The following FAM193A variants were observed in gnomAD, a reference collection of about 807,000 sequenced individuals.
The protein encoded by FAM193A is protein FAM193A.
In FAM193A, 22 loss-of-function variants were observed where a neutral mutation model predicts 126.5. The observed-to-expected ratio is 0.17, with a 90% CI of 0.12 to 0.25. The LOEUF (loss-of-function observed/expected upper bound fraction) is 0.25. Ranked by LOEUF, FAM193A falls within the 10% of genes least tolerant of loss-of-function variation. The pLI is 1.00. For missense variants in FAM193A, 1,675 were observed against 1,672.8 expected, an observed-to-expected ratio of 1.00 and a Z score of -0.02; for synonymous variants, 761 against 646.8, an observed-to-expected ratio of 1.18 and a Z score of -2.68.
chr4:2,559,404 TAAAG>T (rs993326988), intron 1 of FAM193A, among the ~76,000 whole-genome samples: 6 of 152,338 alleles, frequency 3.9e-5, no homozygotes, highest in African/African-American at 1.4e-4. Context: ...CCAACTGAGA[TAAAG>T]AAACCACCTT....
chr4:2,572,759 G>T (rs1473751889), intron 1 of FAM193A, among the ~76,000 whole-genome samples: 1 of 151,026 alleles, frequency 6.6e-6, no homozygotes, highest in Non-Finnish European at 1.5e-5. Context: ...CAGTTGAAGG[G>T]CTTTGAGCAG....
intron 19 of FAM193A, among the ~76,000 whole-genome samples, chr4:2,704,135 C>T (rs896201288): frequency 1.3e-5 from 2 of 151,980 alleles, no homozygotes; most frequent in Non-Finnish European, 1.5e-5. Context: ...TGGTGGCACA[C>T]GCCTATAATC....
chr4:2,557,084 A>G (rs1400503363), intron 1 of FAM193A, among the ~76,000 whole-genome samples: 1 of 152,236 alleles, frequency 6.6e-6, no homozygotes, highest in Admixed American at 6.5e-5. Flanking sequence ...TTTCCTATAT[A>G]TAGTACCTTT....
chr4:2,717,779 G>C (rs1034349547), intron 20 of FAM193A, among the ~76,000 whole-genome samples: 1 of 149,368 alleles, frequency 6.7e-6, no homozygotes, highest in Non-Finnish European at 1.5e-5. Context: ...AAAATTCCCC[G>C]AGTAGCTGGG....
intron 1 of FAM193A, among the ~76,000 whole-genome samples, chr4:2,571,455 G>T (rs2108859358): frequency 6.6e-6 from 1 of 152,238 alleles, no homozygotes; most frequent in East Asian, 1.9e-4. Context: ...GAAGTGAATG[G>T]CTTCTGAGGT....
intron 6 of FAM193A, among the ~76,000 whole-genome samples, chr4:2,640,507 C>T (rs1019377024): frequency 2.6e-5 from 4 of 152,292 alleles, no homozygotes; most frequent in Admixed American, 6.5e-5. Flanking sequence ...CCTGATGTGA[C>T]GTTACTCAGC....
intron 2 of FAM193A, among the ~76,000 whole-genome samples, chr4:2,623,132 C>T (rs1742654320): frequency 1.3e-5 from 2 of 152,002 alleles, no homozygotes; most frequent in African/African-American, 4.8e-5. Context: ...GACACAAGCT[C>T]TTACCCTCCT....
Position 2,696,079 on chromosome 4 carries a change from T to C in FAM193A, c.3277-284T>C, listed in dbSNP as rs1717002349. Among the ~76,000 whole-genome samples, 3 of 152,098 alleles carry C rather than the reference T, an allele frequency of 2.0e-5. No homozygotes were observed. The South Asian group carries it at 6.2e-4, about 32-fold the overall frequency. On this transcript the variant is annotated intron_variant, in intron 17 of 20. Transcript: ENST00000637812. ...AAAATACATTAATCAGGATTTGTAATTGTTTCCTTTTCAGTTTAAAAAATC... is the reference window on the plus strand; with the variant it reads ...AAAATACATTAATCAGGATTTGTAACTGTTTCCTTTTCAGTTTAAAAAATC...
At chr4:2,549,178 A>G (rs532627144) in intron 1 of FAM193A, among the ~76,000 whole-genome samples, 1 of 151,824 alleles carries the variant, frequency 6.6e-6, no homozygotes, top group Admixed American at 6.6e-5. Flanking sequence ...ACCTTAAGTG[A>G]TGGGCCCACC....
At chr4:2,656,676 C>T (rs1411510490) in intron 7 of FAM193A, among the ~76,000 whole-genome samples, 9 of 152,210 alleles carry the variant, frequency 5.9e-5, no homozygotes, top group African/African-American at 2.2e-4. Flanking sequence ...GTCCAACAGT[C>T]TTCACAGGGC....
chr4:2,557,241 C>G (rs1738314341), intron 1 of FAM193A, among the ~76,000 whole-genome samples: 1 of 152,100 alleles, frequency 6.6e-6, no homozygotes, highest in Non-Finnish European at 1.5e-5. Flanking sequence ...ACTGTGCTCA[C>G]CTGTTTTTGA....
intron 1 of FAM193A, among the ~76,000 whole-genome samples, chr4:2,548,897 G>A (rs779731301): frequency 1.7e-4 from 25 of 151,426 alleles, no homozygotes; most frequent in Admixed American, 5.3e-4. Flanking sequence ...TTCCTTCTAT[G>A]TTTTCTTCTA....
chr4:2,651,200 C>T (rs1253619078), intron 7 of FAM193A, among the ~76,000 whole-genome samples: 1 of 152,122 alleles, frequency 6.6e-6, no homozygotes, highest in Non-Finnish European at 1.5e-5. Context: ...CGTGGTGGCA[C>T]ATGCCTGTAA....
intron 1 of FAM193A, among the ~76,000 whole-genome samples, chr4:2,543,589 G>A (rs953397905): frequency 7.2e-5 from 11 of 151,948 alleles, no homozygotes; most frequent in Admixed American, 6.6e-4. Context: ...GGGCATAGTG[G>A]CTCACGCCTG....
chr4:2,689,435 G>A, intron 13 of FAM193A, 71 bp from the exon 14 acceptor site: 1 of 1,125,648 alleles, frequency 8.9e-7, no homozygotes, highest in East Asian at 2.6e-5. Flanking sequence ...TTGTCTGTCT[G>A]TAGTTTAACT....
At chr4:2,574,596 A>G (rs1313349695) in intron 1 of FAM193A, among the ~76,000 whole-genome samples, 1 of 152,144 alleles carries the variant, frequency 6.6e-6, no homozygotes, top group African/African-American at 2.4e-5. Context: ...AAAGTGACTG[A>G]GAAGGGAGCC....
chr4:2,590,511 A>T (rs868639552), intron 1 of FAM193A, among the ~76,000 whole-genome samples: 2 of 128,676 alleles, frequency 1.6e-5, no homozygotes, highest in African/African-American at 7.8e-5. Context: ...AAAAACAAAA[A>T]AAAAACAAAA....
Position 2,639,741 on chromosome 4 carries a change from G to A in FAM193A, c.1045G>A (p.Glu349Lys), listed in dbSNP as rs1271971106. 6.2e-7 allele frequency: 1 copy of A among 1,609,430 alleles called. No homozygotes were observed. Among genetic ancestry groups the A allele is most frequent in the Non-Finnish European group, 8.5e-7 (1 of 1,177,494 alleles). The change falls in exon 6 of 21, where the codon GAA becomes AAA. Residue 349 changes from glutamate (E) to lysine (K), a missense_variant. Coordinates refer to ENST00000637812, the MANE Select transcript of FAM193A (RefSeq NM_001366318.2). ...ISTFLGTLEN[E>K]HLKKFQVTWE... ...TTTACTTTTTCTTAACCAGGAAAAT[G>A]AACACTTGAAAAAGTTCCAAGTGAC... is the stretch of plus-strand genomic sequence containing the variant.
chr4:2,657,033 GGC>G (rs1448252614), intron 7 of FAM193A, among the ~76,000 whole-genome samples: 1 of 152,114 alleles, frequency 6.6e-6, no homozygotes, highest in Admixed American at 6.5e-5. Context: ...TGGGCGTGGT[GGC>G]GGGCACCTAT....
Sources: gnomAD v4.1 joint callset for allele counts (sites outside exome capture counted in the v4.1 genomes callset) on GRCh38, gnomAD v4.1.1 for gene constraint, MANE v1.5 for transcripts, NCBI Gene and HGNC (gene_info 2026-07-23, HGNC 2026-07-21) for gene names.